PDSS2: variants seen among roughly 807,000 people sequenced by gnomAD.
PDSS2 encodes all trans-polyprenyl-diphosphate synthase PDSS2.
In PDSS2, 31 loss-of-function variants were observed where a neutral mutation model predicts 44.5. The ratio of observed to expected loss-of-function variants is 0.70; its 90% CI spans 0.52 to 0.94. The LOEUF is 0.94. PDSS2 is among the 40% of genes least tolerant of loss of function. The pLI is 0.00. For synonymous variants in PDSS2, 157 were observed against 180.3 expected (o/e 0.87, Z 1.03); for missense variants, 452 against 482.2 (o/e 0.94, Z 0.59).
chr6:107,369,379 T>C (rs991072612), intron 1 of PDSS2, among the ~76,000 whole-genome samples: 1 of 152,046 alleles, frequency 6.6e-6, no homozygotes, highest in South Asian at 2.1e-4. Flanking sequence ...GATTGCAACA[T>C]TGCCCTCCAG....
At chr6:107,360,921 A>G (rs1778752945) in intron 1 of PDSS2, among the ~76,000 whole-genome samples, 1 of 152,246 alleles carries the variant, frequency 6.6e-6, no homozygotes, top group African/African-American at 2.4e-5. Context: ...TTTATGGTAC[A>G]TGAAAATTTA....
At chr6:107,261,538 T>G (rs1775222119) in intron 3 of PDSS2, among the ~76,000 whole-genome samples, 2 of 152,042 alleles carry the variant, frequency 1.3e-5, no homozygotes, top group South Asian at 4.2e-4. Flanking sequence ...AAACCTCTTT[T>G]CTTTACAAAA....
rs539011929 is a variant in PDSS2 at position 107,228,313 on chromosome 6, C to T, written c.703-16031G>A. ...ATCTATATCAACCTTCACTTTACCA[C>T]TTTGCATATTTAATCTAATACTCCT... is the stretch of plus-strand genomic sequence containing the variant. On this transcript the variant is annotated intron_variant, in intron 4 of 7. Coordinates refer to ENST00000369037, the MANE Select transcript of PDSS2 (RefSeq NM_020381.4). Among the ~76,000 whole-genome samples the T allele has an allele frequency of 3.3e-5, 5 of 152,332 alleles. No homozygotes were observed. In the South Asian group the frequency reaches 1.0e-3, roughly 32 times the overall value.
chr6:107,248,882 T>C (rs1774719780), intron 3 of PDSS2, among the ~76,000 whole-genome samples: 2 of 152,240 alleles, frequency 1.3e-5, no homozygotes, highest in South Asian at 4.1e-4. Context: ...CTAATTTCTT[T>C]GTGAAACTTT....
At position 107,193,804 on chromosome 6, in the gene PDSS2, T is replaced by C. The variant is rs200484711; in HGVS notation, c.1041+18A>G. 30 of 1,411,420 alleles carry C rather than the reference T, an allele frequency of 2.1e-5. No individual in the cohort carries two copies. The highest frequency in any genetic ancestry group is 1.7e-4 in the Middle Eastern group (1 of 5,720). 87.4% of individuals were successfully genotyped at this position (1,411,420 alleles called of 1,614,324 possible). ...TTGAAATGTGTAAAATAGTACAGTA[T>C]GTATAAAATCTGCCTACCTTAGCAT... On this transcript the variant is annotated intron_variant, in intron 7 of 7. Coordinates refer to ENST00000369037, the MANE Select transcript of PDSS2 (RefSeq NM_020381.4).
At chr6:107,207,537 G>A (rs62428036) in intron 6 of PDSS2, among the ~76,000 whole-genome samples, 35,711 of 151,296 alleles carry the variant, frequency 0.24, 5,125 homozygotes, top group East Asian at 0.49. Context: ...GAACAAGATG[G>A]TTATCTTATA....
At position 107,429,901 on chromosome 6, in the gene PDSS2, AATATATATATATATATAT is replaced by A. The variant is rs869061691; in HGVS notation, c.296+29071_296+29088del. On this transcript the variant is annotated intron_variant, in intron 1 of 7. Coordinates refer to ENST00000369037, the MANE Select transcript of PDSS2 (RefSeq NM_020381.4). ...CTTAGTCTCAAAAAAAAAAAAAAAA[AATATATATATATATATAT>A]ATATATATATATATATATACACCAA... Among the ~76,000 whole-genome samples the A allele has an allele frequency of 1.2e-3, 37 of 31,840 alleles. 2 individuals carry two copies. Among genetic ancestry groups the A allele is most frequent in the African/African-American group, 4.6e-3 (37 of 7,986 alleles). 20.9% of individuals were successfully genotyped at this position (31,840 alleles called of 152,430 possible). A position where few individuals can be genotyped will look rare whatever the true frequency, so the allele number is the denominator to read the frequency against.
chr6:107,211,712 G>A (rs1773221487), intron 5 of PDSS2, among the ~76,000 whole-genome samples: 1 of 146,692 alleles, frequency 6.8e-6, no homozygotes, highest in South Asian at 2.2e-4. Context: ...TCCAGCCTGG[G>A]TGACAGAGCG....
intron 3 of PDSS2, among the ~76,000 whole-genome samples, chr6:107,270,115 A>AT (rs1232603616): frequency 6.2e-4 from 93 of 149,466 alleles, no homozygotes; most frequent in Admixed American, 1.8e-3. Flanking sequence ...TATTATTATT[A>AT]TTTTTTTTTT....
At chr6:107,212,314 G>A (rs781277239) in intron 4 of PDSS2, 32 bp from the exon 5 acceptor site, 3 of 1,509,830 alleles carry the variant, frequency 2.0e-6, no homozygotes, top group Non-Finnish European at 2.7e-6. Context: ...AGATAAAAAA[G>A]ACTTTAGGAG....
chr6:107,363,645 C>A (rs953742649), intron 1 of PDSS2, among the ~76,000 whole-genome samples: 1 of 152,210 alleles, frequency 6.6e-6, no homozygotes, highest in African/African-American at 2.4e-5. Context: ...AAAGCTCCCA[C>A]GGTGTGGAAG....
intron 4 of PDSS2, among the ~76,000 whole-genome samples, chr6:107,220,602 TTTTG>T (rs1773569908): frequency 6.6e-6 from 1 of 152,056 alleles, no homozygotes; most frequent in Non-Finnish European, 1.5e-5. Flanking sequence ...AAAGATTCAG[TTTTG>T]TTTATTACAT....
chr6:107,246,512 C>G (rs1582841042), intron 3 of PDSS2, among the ~76,000 whole-genome samples: 1 of 152,302 alleles, frequency 6.6e-6, no homozygotes, highest in Admixed American at 6.5e-5. Context: ...CTCTTTGCTT[C>G]CGAAAATTCA....
chr6:107,183,411 T>G (rs1772054466), intron 7 of PDSS2, among the ~76,000 whole-genome samples: 1 of 152,160 alleles, frequency 6.6e-6, no homozygotes, highest in South Asian at 2.1e-4. Context: ...TGCTAAGACA[T>G]CTTTGGCCAG....
intron 2 of PDSS2, among the ~76,000 whole-genome samples, chr6:107,319,078 T>C (rs766174518): frequency 9.9e-5 from 15 of 151,966 alleles, no homozygotes; most frequent in Non-Finnish European, 2.1e-4. Flanking sequence ...ATTTGTGCTA[T>C]GGAAAAAAGA....
intron 2 of PDSS2, among the ~76,000 whole-genome samples, chr6:107,324,941 T>C (rs1264610050): frequency 6.6e-6 from 1 of 152,176 alleles, no homozygotes; most frequent in Non-Finnish European, 1.5e-5. Context: ...CTATTGTTAC[T>C]ATAATTAGAA....
intron 3 of PDSS2, among the ~76,000 whole-genome samples, chr6:107,263,338 A>G (rs62430066): frequency 0.025 from 3,750 of 152,182 alleles, 70 homozygotes; most frequent in Non-Finnish European, 0.033. Context: ...CTGTAATCCC[A>G]GCTACTCAGG....
At chr6:107,261,898 C>T (rs12191323) in intron 3 of PDSS2, among the ~76,000 whole-genome samples, 30 of 24,374 alleles carry the variant, frequency 1.2e-3, no homozygotes, top group African/African-American at 2.0e-3. Context: ...TATTTCTTTT[C>T]TTTCTTTTCT....
intron 1 of PDSS2, among the ~76,000 whole-genome samples, chr6:107,347,373 G>C (rs549927511): frequency 6.7e-6 from 1 of 148,716 alleles, no homozygotes; most frequent in South Asian, 2.2e-4. Flanking sequence ...CCCGATTCAA[G>C]CGATTCAAGC....
Sources: allele counts gnomAD v4.1 joint callset (sites outside exome capture counted in the v4.1 genomes callset), GRCh38; gene constraint gnomAD v4.1.1; transcripts MANE v1.5; gene names NCBI Gene and HGNC (gene_info 2026-07-23, HGNC 2026-07-21).